EIF2AK2: variants seen among roughly 807,000 people sequenced by gnomAD.
EIF2AK2 encodes interferon-induced, double-stranded RNA-activated protein kinase.
A neutral mutation model predicts 70.5 loss-of-function variants in EIF2AK2; 40 were observed. The observed-to-expected ratio is 0.57, with a 90% CI of 0.44 to 0.74. EIF2AK2 has a LOEUF of 0.74. Ranked by LOEUF, EIF2AK2 falls within the 30% of genes least tolerant of loss-of-function variation. The pLI, the probability that EIF2AK2 is intolerant of heterozygous loss-of-function variation, is 0.00. For synonymous variants in EIF2AK2, 198 were observed against 220.9 expected (o/e 0.90, Z 0.92); for missense variants, 555 against 644.3 (o/e 0.86, Z 1.50).
chr2:37,123,734 G>T (rs1674635744), intron 11 of EIF2AK2, among the ~76,000 whole-genome samples: 1 of 152,150 alleles, frequency 6.6e-6, no homozygotes. Flanking sequence ...ACACAAAGAG[G>T]ATAACTTATG....
chr2:37,118,940 A>G (rs186945760), intron 13 of EIF2AK2, among the ~76,000 whole-genome samples: 1 of 152,342 alleles, frequency 6.6e-6, no homozygotes, highest in Admixed American at 6.5e-5. Context: ...TGCCTAGAAC[A>G]GAAAAAGGCA....
chr2:37,145,788 G>C (rs1477400796), intron 4 of EIF2AK2, among the ~76,000 whole-genome samples: 2 of 107,270 alleles, frequency 1.9e-5, no homozygotes, highest in Non-Finnish European at 3.4e-5. Context: ...TTTTGAGATA[G>C]GATCCCCAGG....
Position 37,100,568 on chromosome 2 carries a change from T to A in EIF2AK2, c.*6705A>T, listed in dbSNP as rs377701172. On this transcript the variant is annotated 3_prime_UTR_variant, in exon 17 of 17. Coordinates refer to ENST00000233057, the MANE Select transcript of EIF2AK2 (RefSeq NM_001135651.3). ...AATGTCACCATATAACTATCAACTGTGATTCCCTTCATCTATGACTATTTT... is the reference window on the plus strand; with the variant it reads ...AATGTCACCATATAACTATCAACTGAGATTCCCTTCATCTATGACTATTTT... 6.6e-6 allele frequency: 1 copy of A among 152,272 alleles called. No individual in the cohort carries two copies. Among genetic ancestry groups the A allele is most frequent in the Admixed American group, 6.5e-5 (1 of 15,284 alleles). The allele number at this position is 152,272 out of a possible 1,614,324, so 9.4% of individuals were successfully genotyped here.
intron 10 of EIF2AK2, among the ~76,000 whole-genome samples, chr2:37,132,503 C>T (rs780536857): frequency 1.3e-5 from 2 of 152,098 alleles, no homozygotes; most frequent in Non-Finnish European, 2.9e-5. Context: ...GCAGGAGAAT[C>T]GCTTGAACCC....
intron 8 of EIF2AK2, 41 bp from the exon 9 acceptor site, chr2:37,137,058 A>G (rs752919091): frequency 1.3e-6 from 2 of 1,533,982 alleles, no homozygotes; most frequent in Non-Finnish European, 1.8e-6. Context: ...AGATGACTAA[A>G]TCAGTCATCT....
intron 4 of EIF2AK2, among the ~76,000 whole-genome samples, 184 bp from the exon 5 acceptor site, chr2:37,141,885 C>G (rs899842400): frequency 6.6e-6 from 1 of 152,102 alleles, no homozygotes; most frequent in African/African-American, 2.4e-5. Flanking sequence ...AGAAAAAAAT[C>G]GACGAAGATA....
intron 1 of EIF2AK2, among the ~76,000 whole-genome samples, chr2:37,153,170 GA>G (rs1337265879): frequency 1.3e-5 from 2 of 151,612 alleles, no homozygotes; most frequent in Admixed American, 1.3e-4. Context: ...CACATAACAT[GA>G]AATGTACTAT....
chr2:37,149,275 G>A (rs1451899337), intron 1 of EIF2AK2: 1 of 1,049,378 alleles, frequency 9.5e-7, no homozygotes, highest in Non-Finnish European at 1.5e-6. Context: ...TGAAGGAGGA[G>A]AAATAATTCA....
At chr2:37,152,547 CT>C (rs1675779562) in intron 1 of EIF2AK2, among the ~76,000 whole-genome samples, 1 of 152,102 alleles carries the variant, frequency 6.6e-6, no homozygotes, top group Non-Finnish European at 1.5e-5. Flanking sequence ...TCCCAAAGTG[CT>C]GGGATTACAG....
At chr2:37,142,885 G>T (rs543993453) in intron 4 of EIF2AK2, among the ~76,000 whole-genome samples, 7 of 152,018 alleles carry the variant, frequency 4.6e-5, no homozygotes, top group Non-Finnish European at 7.4e-5. Context: ...CTTCTCTCTA[G>T]ATGCTTATAA....
intron 5 of EIF2AK2, among the ~76,000 whole-genome samples, 180 bp from the exon 6 acceptor site, chr2:37,139,937 G>C (rs1424842533): frequency 5.9e-5 from 9 of 152,076 alleles, no homozygotes; most frequent in African/African-American, 2.2e-4. Flanking sequence ...CAATTTCTCT[G>C]AATACCCAGG....
At chr2:37,141,465 C>T (rs1675327660) in intron 5 of EIF2AK2, 88 bp downstream of exon 5, 28 of 1,497,872 alleles carry the variant, frequency 1.9e-5, no homozygotes, top group African/African-American at 2.8e-5. Flanking sequence ...TAAAAGGACA[C>T]ATATTTCTGG....
rs916186842 is a variant in EIF2AK2, at chr2:37,102,675, G to C, written c.*4598C>G. On this transcript the variant is annotated 3_prime_UTR_variant, in exon 17 of 17. Coordinates refer to ENST00000233057, the MANE Select transcript of EIF2AK2 (RefSeq NM_001135651.3). ...TCATGGACATGCAACCTGTGCAGTT[G>C]CACAAGACTGTGCTTAGAAGCACCC... is the stretch of plus-strand genomic sequence containing the variant. 6.6e-6 allele frequency: 1 copy of C among 152,130 alleles called. No individual in the cohort carries two copies. Among genetic ancestry groups the C allele is most frequent in the African/African-American group, 2.4e-5 (1 of 41,434 alleles). The allele number at this position is 152,130 out of a possible 1,614,324, so 9.4% of individuals were successfully genotyped here.
chr2:37,113,228 G>A (rs567788076), intron 14 of EIF2AK2, among the ~76,000 whole-genome samples: 1 of 152,102 alleles, frequency 6.6e-6, no homozygotes, highest in Non-Finnish European at 1.5e-5. Flanking sequence ...GGGTTTGGTG[G>A]CTCACGTCTG....
At chr2:37,143,215 T>G (rs981241460) in intron 4 of EIF2AK2, among the ~76,000 whole-genome samples, 3 of 104,048 alleles carry the variant, frequency 2.9e-5, no homozygotes, top group African/African-American at 9.7e-5. Flanking sequence ...AGAGCGAGAC[T>G]CTGTCTCAAA....
intron 6 of EIF2AK2, 152 bp downstream of exon 6, chr2:37,139,479 C>G (rs1003678508): frequency 9.0e-7 from 1 of 1,105,710 alleles, no homozygotes; most frequent in African/African-American, 1.6e-5. Flanking sequence ...CTCATGGCCC[C>G]ATGGTGCATG....
chr2:37,107,498 G>A lies in EIF2AK2; in HGVS notation c.1509C>T (p.Ile503=). Residue 503 remains isoleucine (I), a synonymous_variant, in exon 16 of 17, where the codon ATC becomes ATT. Transcript: ENST00000233057. ...KFFTDLRDGI[I]SDIFDKKEKT... is the part of the protein sequence containing the mutation. Reference sequence around the variant, plus strand: ...CTTCTTTTTTATCAAATATATCTGAGATGATGCCATCCCGTAGGTCTGTGA... The same window carrying A: ...CTTCTTTTTTATCAAATATATCTGAAATGATGCCATCCCGTAGGTCTGTGA... 6.2e-7 allele frequency: 1 copy of A among 1,612,702 alleles called. No homozygotes were observed. The highest frequency in any genetic ancestry group is 1.1e-5 in the South Asian group (1 of 90,776).
intron 12 of EIF2AK2, among the ~76,000 whole-genome samples, chr2:37,121,421 C>T (rs1171281423): frequency 2.6e-5 from 4 of 151,830 alleles, no homozygotes; most frequent in African/African-American, 9.7e-5. Flanking sequence ...AACTTTGAAA[C>T]CTTTTAATTC....
intron 1 of EIF2AK2, among the ~76,000 whole-genome samples, chr2:37,154,535 G>T (rs1445847362): frequency 4.0e-5 from 6 of 151,844 alleles, no homozygotes; most frequent in Admixed American, 6.6e-5. Context: ...CCCTGTCTTA[G>T]CTTGGACTTT....
Sources: gnomAD v4.1 joint callset for allele counts (sites outside exome capture counted in the v4.1 genomes callset) on GRCh38, gnomAD v4.1.1 for gene constraint, MANE v1.5 for transcripts, NCBI Gene and HGNC (gene_info 2026-07-23, HGNC 2026-07-21) for gene names.